Variants in CNOT2 observed in about 807,000 individuals in gnomAD.
CNOT2 encodes CC chemokine receptor 4-negative regulator of transcription 2.
Under a neutral mutation model 72.1 loss-of-function variants are expected in CNOT2, and 7 were observed. That is an observed-to-expected ratio of 0.10 (90% confidence interval 0.06 to 0.18). CNOT2 has a LOEUF of 0.18. Among genes scored for constraint, CNOT2 ranks in the 10% least tolerant of loss-of-function variants. The pLI is 1.00. For missense variants in CNOT2, 345 were observed against 660.3 expected (o/e 0.52, Z 5.23); for synonymous variants, 196 against 225.6 (o/e 0.87, Z 1.17).
intron 4 of CNOT2, among the ~76,000 whole-genome samples, chr12:70,320,078 T>C (rs1303179376): frequency 6.6e-6 from 1 of 151,730 alleles, no homozygotes; most frequent in South Asian, 2.1e-4. Flanking sequence ...TAAATATTAG[T>C]ATGATTTTAT....
intron 1 of CNOT2, among the ~76,000 whole-genome samples, chr12:70,269,919 G>A (rs1959183427): frequency 6.6e-6 from 1 of 152,124 alleles, no homozygotes; most frequent in South Asian, 2.1e-4. Context: ...CATAAGTTAT[G>A]TGTAATACAT....
chr12:70,335,414 C>G (rs1343480691), intron 7 of CNOT2, 24 bp from the exon 8 acceptor site: 2 of 1,534,542 alleles, frequency 1.3e-6, no homozygotes, highest in Non-Finnish European at 1.8e-6. Context: ...GAATCAATAA[C>G]CAGTGTCCTT....
intron 1 of CNOT2, among the ~76,000 whole-genome samples, chr12:70,273,952 T>C (rs1050943383): frequency 6.6e-6 from 1 of 152,100 alleles, no homozygotes; most frequent in Non-Finnish European, 1.5e-5. Flanking sequence ...TTCATTTCAA[T>C]AGATTATTGT....
At chr12:70,344,298 T>C (rs1881887433) in intron 14 of CNOT2, 70 bp downstream of exon 14, 4 of 877,320 alleles carry the variant, frequency 4.6e-6, no homozygotes, top group Non-Finnish European at 7.5e-6. Flanking sequence ...CATCTTTAAG[T>C]GATGATGGCT....
At position 70,353,913 on chromosome 12, in the gene CNOT2, T is replaced by TAAAAAAAAAA. The variant is rs35192504; in HGVS notation, c.*14_*23dup. ...CTACAACCCTGCTCAGCAAGCCTTC[T>TAAAAAAAAAA]AAAAAAAAAAAAAAAAAAAAAAAAA... On this transcript the variant is annotated frameshift_variant and stop_retained_variant, in exon 16 of 16. Coordinates refer to ENST00000229195, the MANE Select transcript of CNOT2 (RefSeq NM_014515.7). LOFTEE classifies it high-confidence loss of function. 4.7e-6 allele frequency: 6 copies of TAAAAAAAAAA among 1,275,464 alleles called. No homozygotes were observed. In the African/African-American group the frequency reaches 9.0e-5, roughly 19 times the overall value. The allele number at this position is 1,275,464 out of a possible 1,614,324, so 79.0% of individuals were successfully genotyped here. A position where few individuals can be genotyped will look rare whatever the true frequency, so the allele number is the denominator to read the frequency against.
chr12:70,320,725 CT>C (rs1256612055), intron 4 of CNOT2, among the ~76,000 whole-genome samples: 1 of 151,726 alleles, frequency 6.6e-6, no homozygotes, highest in Non-Finnish European at 1.5e-5. Flanking sequence ...CTGCAAAGAA[CT>C]TACTTTACCT....
intron 8 of CNOT2, chr12:70,336,547 G>T (rs1295108238): frequency 6.6e-6 from 1 of 151,862 alleles, no homozygotes; most frequent in East Asian, 1.9e-4. Flanking sequence ...AAGGATTTCT[G>T]TGCCATTCAG....
intron 2 of CNOT2, among the ~76,000 whole-genome samples, chr12:70,288,328 G>C (rs1189663497): frequency 6.6e-6 from 1 of 151,700 alleles, no homozygotes; most frequent in African/African-American, 2.4e-5. Context: ...TGTATTTTTA[G>C]TATGGATGAG....
intron 3 of CNOT2, among the ~76,000 whole-genome samples, chr12:70,313,130 C>T (rs1329095458): frequency 6.6e-6 from 1 of 151,900 alleles, no homozygotes; most frequent in African/African-American, 2.4e-5. Flanking sequence ...TACAGTAAAA[C>T]ATCATTAATT....
intron 3 of CNOT2, among the ~76,000 whole-genome samples, chr12:70,316,989 G>T (rs1877450326): frequency 6.6e-6 from 1 of 152,128 alleles, no homozygotes; most frequent in Non-Finnish European, 1.5e-5. Context: ...TCACATTATG[G>T]ATTGTTCTAA....
intron 11 of CNOT2, 164 bp from the exon 12 acceptor site, chr12:70,341,943 A>C (rs1339486582): frequency 4.7e-6 from 3 of 634,012 alleles, no homozygotes; most frequent in Non-Finnish European, 8.5e-6. Flanking sequence ...CACACACACA[A>C]ACACACACAG....
At chr12:70,272,385 T>C (rs1236507311) in intron 1 of CNOT2, among the ~76,000 whole-genome samples, 1 of 152,172 alleles carries the variant, frequency 6.6e-6, no homozygotes, top group Non-Finnish European at 1.5e-5. Flanking sequence ...AGAAGCAGTT[T>C]GGCATTTGGA....
At chr12:70,338,193 A>G (rs1288318626) in intron 9 of CNOT2, 1 of 320,746 alleles carries the variant, frequency 3.1e-6, no homozygotes, top group Admixed American at 4.5e-5. Context: ...CTGTGACTGA[A>G]GATCTGAGAT....
chr12:70,276,365 A>G (rs1868804288), intron 1 of CNOT2, among the ~76,000 whole-genome samples: 2 of 152,008 alleles, frequency 1.3e-5, no homozygotes, highest in African/African-American at 4.8e-5. Context: ...CCTAAATATT[A>G]TATAAGAAGG....
intron 15 of CNOT2, among the ~76,000 whole-genome samples, chr12:70,350,978 T>C (rs1882790808): frequency 6.6e-6 from 1 of 152,214 alleles, no homozygotes; most frequent in Non-Finnish European, 1.5e-5. Flanking sequence ...CATTCAGTTT[T>C]GCTTGAATTG....
chr12:70,293,790 G>T (rs1593148503), intron 2 of CNOT2, among the ~76,000 whole-genome samples: 1 of 152,222 alleles, frequency 6.6e-6, no homozygotes, highest in Non-Finnish European at 1.5e-5. Flanking sequence ...GAGAGCAAGA[G>T]AGTGTACAAG....
Position 70,255,259 on chromosome 12 carries a change from TTC to T in CNOT2, c.-96+11783_-96+11784del, listed in dbSNP as rs1260273976. 3.3e-5 allele frequency among the ~76,000 whole-genome samples: 5 copies of T among 152,298 alleles called. No individual in the cohort carries two copies. The East Asian group carries it at 5.8e-4, about 18-fold the overall frequency. On this transcript the variant is annotated intron_variant, in intron 1 of 15. Coordinates refer to ENST00000229195, the MANE Select transcript of CNOT2 (RefSeq NM_014515.7). Reference sequence around the variant, plus strand: ...ATTTTTGTAACTGTATTTGTGTCCTTTCTCTTTATCATTGTTAGCCAAGTGTA... The same window carrying T: ...ATTTTTGTAACTGTATTTGTGTCCTTTCTTTATCATTGTTAGCCAAGTGTA...
rs145805909 is a variant in CNOT2 at position 70,272,440 on chromosome 12, C to G, written c.-95-5692C>G. On this transcript the variant is annotated intron_variant, in intron 1 of 15. Transcript: ENST00000229195. Reference sequence around the variant, plus strand: ...GAAAAGGAGCAGCAAATATAAAGGCCCTAAATTGAGAACTGACTGGATGTG... The same window carrying G: ...GAAAAGGAGCAGCAAATATAAAGGCGCTAAATTGAGAACTGACTGGATGTG... Among the ~76,000 whole-genome samples, 1,213 of 152,100 alleles carry G rather than the reference C, an allele frequency of 8.0e-3. 11 individuals are homozygous for G. Among genetic ancestry groups the G allele is most frequent in the Non-Finnish European group, 0.013 (881 of 67,996 alleles).
intron 2 of CNOT2, among the ~76,000 whole-genome samples, chr12:70,284,746 T>C (rs1049802275): frequency 2.6e-5 from 4 of 152,154 alleles, no homozygotes; most frequent in South Asian, 2.1e-4. Flanking sequence ...GTTCTGATAC[T>C]TTTTTTATTA....
Sources: allele counts gnomAD v4.1 joint callset (sites outside exome capture counted in the v4.1 genomes callset), GRCh38; gene constraint gnomAD v4.1.1; transcripts MANE v1.5; gene names NCBI Gene and HGNC (gene_info 2026-07-23, HGNC 2026-07-21).